MCU: variants seen among roughly 807,000 people sequenced by gnomAD.
MCU encodes the protein calcium uniporter protein, mitochondrial.
MCU carries 12 observed loss-of-function variants against 45.2 expected under a neutral mutation model. The ratio of observed to expected loss-of-function variants is 0.27; its 90% CI spans 0.17 to 0.43. MCU has a LOEUF of 0.43. Among genes scored for constraint, MCU ranks in the 20% least tolerant of loss-of-function variants. The pLI is 1.00. For synonymous variants in MCU, 160 were observed against 165.1 expected (o/e 0.97, Z 0.24); for missense variants, 324 against 436.7 (o/e 0.74, Z 2.30).
intron 6 of MCU, among the ~76,000 whole-genome samples, chr10:72,877,107 G>A (rs890061367): frequency 6.6e-6 from 1 of 151,844 alleles, no homozygotes; most frequent in Non-Finnish European, 1.5e-5. Flanking sequence ...ATATTTTGTA[G>A]ACAGGGTTTC....
intron 1 of MCU, among the ~76,000 whole-genome samples, chr10:72,807,679 C>T (rs1844473290): frequency 6.6e-6 from 1 of 152,150 alleles, no homozygotes; most frequent in South Asian, 2.1e-4. Flanking sequence ...ATAAGCTTTG[C>T]TCAGAAAATA....
chr10:72,845,647 G>A (rs766301129), intron 2 of MCU, among the ~76,000 whole-genome samples: 10 of 152,188 alleles, frequency 6.6e-5, no homozygotes, highest in Non-Finnish European at 1.2e-4. Flanking sequence ...TACTAGGTGT[G>A]TAGTAGGCTA....
chr10:72,839,932 C>T (rs888454074), intron 2 of MCU, among the ~76,000 whole-genome samples: 1 of 145,636 alleles, frequency 6.9e-6, no homozygotes, highest in East Asian at 2.0e-4. Context: ...CCACTGCACT[C>T]CAGCCTGGGT....
At chr10:72,776,216 C>T (rs1478213599) in intron 1 of MCU, among the ~76,000 whole-genome samples, 1 of 151,732 alleles carries the variant, frequency 6.6e-6, no homozygotes. Context: ...CAACCTTATT[C>T]TATGAGGCCA....
chr10:72,725,588 T>A (rs1170786741), intron 1 of MCU, among the ~76,000 whole-genome samples: 1 of 152,176 alleles, frequency 6.6e-6, no homozygotes, highest in African/African-American at 2.4e-5. Context: ...ACTATTTTCA[T>A]TTAAAAAATA....
At chr10:72,865,594 G>A (rs1182191176) in intron 4 of MCU, among the ~76,000 whole-genome samples, 1 of 152,012 alleles carries the variant, frequency 6.6e-6, no homozygotes, top group Non-Finnish European at 1.5e-5. Context: ...AGGCTGGAGT[G>A]CAGTGGTGTG....
chr10:72,759,346 A>G (rs1167946880), intron 1 of MCU, among the ~76,000 whole-genome samples: 1 of 152,146 alleles, frequency 6.6e-6, no homozygotes, highest in Non-Finnish European at 1.5e-5. Flanking sequence ...AGGGATTTTC[A>G]CAGTGCTTTT....
intron 1 of MCU, among the ~76,000 whole-genome samples, chr10:72,780,760 T>C (rs931414421): frequency 6.6e-6 from 1 of 152,176 alleles, no homozygotes; most frequent in Non-Finnish European, 1.5e-5. Flanking sequence ...TGTCTGGATC[T>C]TACCATGTCA....
At chr10:72,881,282 A>G (rs1331513668) in intron 6 of MCU, among the ~76,000 whole-genome samples, 1 of 152,162 alleles carries the variant, frequency 6.6e-6, no homozygotes, top group African/African-American at 2.4e-5. Flanking sequence ...TCTAAATGTG[A>G]TAGGTAATGT....
chr10:72,840,184 A>G (rs762985555), intron 2 of MCU, among the ~76,000 whole-genome samples: 27 of 152,130 alleles, frequency 1.8e-4, no homozygotes, highest in Non-Finnish European at 3.4e-4. Flanking sequence ...GTCTCCCTAC[A>G]TCCTCCCCAA....
chr10:72,872,151 A>G (rs960991946), intron 6 of MCU, among the ~76,000 whole-genome samples: 4 of 152,190 alleles, frequency 2.6e-5, no homozygotes, highest in African/African-American at 9.7e-5. Context: ...TTGATACATA[A>G]TAATTGTACA....
chr10:72,693,083 G>A (rs1387374995), intron 1 of MCU: 14 of 1,536,064 alleles, frequency 9.1e-6, no homozygotes, highest in Non-Finnish European at 1.1e-5. Flanking sequence ...TGTTGACAGA[G>A]GCAGAGATTT....
chr10:72,706,977 A>T (rs1426595312), intron 1 of MCU, among the ~76,000 whole-genome samples: 2 of 147,588 alleles, frequency 1.4e-5, no homozygotes, highest in Non-Finnish European at 3.0e-5. Context: ...CTACAGGCAC[A>T]TGCCACCACG....
chr10:72,844,786 A>G (rs1845096524), intron 2 of MCU, among the ~76,000 whole-genome samples: 1 of 152,210 alleles, frequency 6.6e-6, no homozygotes, highest in Admixed American at 6.5e-5. Context: ...GCATCTAGGC[A>G]TGAAACTAGT....
At chr10:72,752,487 C>T (rs1379158457) in intron 1 of MCU, among the ~76,000 whole-genome samples, 5 of 152,114 alleles carry the variant, frequency 3.3e-5, no homozygotes, top group Admixed American at 6.5e-5. Context: ...GCATTAATGA[C>T]GTTGAAAACA....
chr10:72,736,651 T>C (rs1843255788), intron 1 of MCU: 1 of 152,222 alleles, frequency 6.6e-6, no homozygotes, highest in African/African-American at 2.4e-5. Context: ...CCTCCTGCCA[T>C]TATTATCTTA....
intron 7 of MCU, among the ~76,000 whole-genome samples, 176 bp from the exon 8 acceptor site, chr10:72,885,569 T>C (rs1025735644): frequency 2.6e-5 from 4 of 152,232 alleles, no homozygotes; most frequent in African/African-American, 9.6e-5. Flanking sequence ...ATTCACCCTT[T>C]GTTGTCCTAT....
chr10:72,757,549 T>G (rs755150042), intron 1 of MCU, among the ~76,000 whole-genome samples: 63 of 152,196 alleles, frequency 4.1e-4, no homozygotes, highest in Admixed American at 7.9e-4. Context: ...AAAGTAGTTT[T>G]TTAAAAGGCC....
At chr10:72,710,793 A>G (rs1842882993) in intron 1 of MCU, among the ~76,000 whole-genome samples, 1 of 152,038 alleles carries the variant, frequency 6.6e-6, no homozygotes, top group Admixed American at 6.6e-5. Flanking sequence ...ATTCTCTTAA[A>G]TTTGATGTTT....
Sources: allele counts gnomAD v4.1 joint callset (sites outside exome capture counted in the v4.1 genomes callset), GRCh38; gene constraint gnomAD v4.1.1; transcripts MANE v1.5; gene names NCBI Gene and HGNC (gene_info 2026-07-23, HGNC 2026-07-21).